DNAH14: variants seen among roughly 807,000 people sequenced by gnomAD.
DNAH14 encodes axonemal beta dynein heavy chain 14.
Under a neutral mutation model 520.9 loss-of-function variants are expected in DNAH14, and 478 were observed. The ratio of observed to expected loss-of-function variants is 0.92; its 90% confidence interval spans 0.85 to 0.99. The LOEUF (loss-of-function observed/expected upper bound fraction) is 0.99, where lower values mean the gene tolerates loss of function less well. Ranked by LOEUF, DNAH14 falls within the 50% of genes least tolerant of loss-of-function variation. The probability of loss-of-function intolerance (pLI) is 0.00; values close to 1 mark genes in which losing one functional copy is unlikely to be tolerated. For missense variants in DNAH14, 4,831 were observed against 5,234.5 expected (o/e 0.92, Z 2.38); for synonymous variants, 1,581 against 1,757.2 (o/e 0.90, Z 2.51).
intron 43 of DNAH14, among the ~76,000 whole-genome samples, chr1:225,249,711 T>A (rs1044091111): frequency 6.6e-6 from 1 of 152,220 alleles, no homozygotes. Context: ...TAGAATATTT[T>A]CGTCTTTCCA....
chr1:225,333,844 T>A (rs1156956011), intron 66 of DNAH14, among the ~76,000 whole-genome samples: 1 of 152,176 alleles, frequency 6.6e-6, no homozygotes, highest in Non-Finnish European at 1.5e-5. Flanking sequence ...CAGGGAGTAT[T>A]CTTAGACACA....
intron 83 of DNAH14, among the ~76,000 whole-genome samples, chr1:225,390,398 A>C (rs2095893495): frequency 6.6e-6 from 1 of 152,128 alleles, no homozygotes; most frequent in Admixed American, 6.5e-5. Context: ...AGAGTTGTAA[A>C]GGGGTGACGC....
At chr1:225,171,971 T>C (rs1434515974) in intron 36 of DNAH14, among the ~76,000 whole-genome samples, 1 of 152,054 alleles carries the variant, frequency 6.6e-6, no homozygotes, top group East Asian at 1.9e-4. Context: ...CATACACAAA[T>C]CAATAAACAT....
In DNAH14 at chr1:225,380,144, T is replaced by A; in HGVS notation, c.12717-15T>A. The A allele has an allele frequency of 1.9e-6, 3 of 1,540,800 alleles. No individual in the cohort carries two copies. Among genetic ancestry groups the A allele is most frequent in the East Asian group, 2.5e-5 (1 of 40,784 alleles). On this transcript the variant is annotated splice_polypyrimidine_tract_variant and intron_variant, in intron 79 of 85. Coordinates refer to ENST00000682510, the MANE Select transcript of DNAH14 (RefSeq NM_001367479.1). The stretch of plus-strand genomic sequence containing the variant: ...CCTGTTCTGTGTCTCATTCTTCTCT[T>A]GGTTTTTTTTGCAGACCTGAGCAGA...
At chr1:225,043,632 G>T in intron 13 of DNAH14, 112 bp from the exon 14 acceptor site, 1 of 787,384 alleles carries the variant, frequency 1.3e-6, no homozygotes. Context: ...GTGACTTCTT[G>T]AGTTTATTCT....
chr1:225,203,653 T>G lies in DNAH14; in HGVS notation c.5887-530T>G, dbSNP rs527329117. Among the ~76,000 whole-genome samples the G allele has an allele frequency of 1.2e-3, 183 of 152,308 alleles. 2 individuals carry two copies. The highest frequency in any genetic ancestry group is 6.8e-3 in the Middle Eastern group (2 of 294). On this transcript the variant is annotated intron_variant, in intron 38 of 85. Coordinates refer to ENST00000682510, the MANE Select transcript of DNAH14 (RefSeq NM_001367479.1). ...AATTTCTCAAAGGTTGGTGTAAAAA[T>G]GACATGTATTAGAATAACTCAGGAT...
chr1:225,291,775 G>A (rs774457005), intron 55 of DNAH14, among the ~76,000 whole-genome samples: 17 of 152,030 alleles, frequency 1.1e-4, no homozygotes, highest in Non-Finnish European at 2.1e-4. Flanking sequence ...ATCCTGACTG[G>A]GGAGAGGTGA....
At chr1:225,130,608 G>T (rs917490643) in intron 27 of DNAH14, among the ~76,000 whole-genome samples, 99 of 142,598 alleles carry the variant, frequency 6.9e-4, no homozygotes, top group African/African-American at 2.6e-3. Flanking sequence ...CTCATAGATG[G>T]GAATTGAACA....
Position 225,374,698 on chromosome 1 carries a change from A to C in DNAH14, c.12329A>C (p.Lys4110Thr), listed in dbSNP as rs112206346. ...ATGGGTTTTCCAAAGGTTGCCATTAAGGTGTTGGAAAATTCCCTGAGAGGA... is the reference window on the plus strand; with the variant it reads ...ATGGGTTTTCCAAAGGTTGCCATTACGGTGTTGGAAAATTCCCTGAGAGGA... ...FNSSDLGVAI[K>T]VLENSLRGQP... The change falls in exon 78 of 86, where the codon AAG becomes ACG. Residue 4110 changes from lysine to threonine, a missense_variant. Physicochemically the swap from Lys to Thr is moderately conservative, Grantham distance 78. Coordinates refer to ENST00000682510, the MANE Select transcript of DNAH14 (RefSeq NM_001367479.1). The C allele has an allele frequency of 1.2e-5, 18 of 1,547,618 alleles. No homozygotes were observed. The highest frequency in any genetic ancestry group is 8.2e-5 in the African/African-American group (6 of 73,124).
rs192704853 is a variant in DNAH14 at position 225,018,124 on chromosome 1, G to A, written c.1108-5491G>A. On this transcript the variant is annotated intron_variant, in intron 10 of 85. Coordinates refer to ENST00000682510, the MANE Select transcript of DNAH14 (RefSeq NM_001367479.1). ...AATCTGAATGGCAAGGAAGCTCATC[G>A]AGGTACAAGAGAAGGTCAAAACCAA... Among the ~76,000 whole-genome samples, 17 of 152,234 alleles carry A rather than the reference G, an allele frequency of 1.1e-4. No individual in the cohort carries two copies. The East Asian group carries it at 2.9e-3, about 26-fold the overall frequency.
intron 35 of DNAH14, 97 bp from the exon 36 acceptor site, chr1:225,167,842 C>T (rs535294266): frequency 4.9e-5 from 29 of 595,638 alleles, no homozygotes; most frequent in African/African-American, 2.0e-4. Context: ...TCTTAAAGAG[C>T]GGTAATTGGT....
Position 225,258,059 on chromosome 1 carries a change from C to T in DNAH14, c.6965C>T (p.Thr2322Ile). 3 of 1,549,576 alleles carry T rather than the reference C, an allele frequency of 1.9e-6. No individual in the cohort carries two copies. Among genetic ancestry groups the T allele is most frequent in the South Asian group, 2.4e-5 (2 of 83,672 alleles). Residue 2322 changes from threonine (T) to isoleucine (I), a missense_variant, in exon 45 of 86, where the codon ACA (threonine) becomes ATA (isoleucine). Transcript: ENST00000682510. The stretch of plus-strand genomic sequence containing the variant: ...AATTATACCGCTACCAGAGACACAA[C>T]ATGCCTTTCTTTTCTCATGAGCCTT... ...CINYTATRDT[T>I]CLSFLMSLLL...
At chr1:225,108,243 T>C (rs1418596494) in intron 23 of DNAH14, among the ~76,000 whole-genome samples, 1 of 152,168 alleles carries the variant, frequency 6.6e-6, no homozygotes, top group African/African-American at 2.4e-5. Context: ...ACACCAGTGG[T>C]TTGCCAGGGT....
At chr1:225,012,549 G>A (rs192226085) in intron 10 of DNAH14, among the ~76,000 whole-genome samples, 1 of 152,292 alleles carries the variant, frequency 6.6e-6, no homozygotes, top group Non-Finnish European at 1.5e-5. Context: ...ATATCCTGAA[G>A]TGTGTTTTCC....
chr1:225,268,938 A>C (rs1433205128), intron 49 of DNAH14, among the ~76,000 whole-genome samples: 1 of 152,234 alleles, frequency 6.6e-6, no homozygotes, highest in Non-Finnish European at 1.5e-5. Context: ...CATCCCCATC[A>C]AGCTACCAAT....
At chr1:225,327,461 G>A (rs2094701258) in intron 64 of DNAH14, among the ~76,000 whole-genome samples, 1 of 151,972 alleles carries the variant, frequency 6.6e-6, no homozygotes, top group African/African-American at 2.4e-5. Context: ...GCACCTGGCC[G>A]ACTAACTCAT....
chr1:225,350,450 A>G (rs1274223997), intron 71 of DNAH14, among the ~76,000 whole-genome samples: 1 of 152,124 alleles, frequency 6.6e-6, no homozygotes, highest in Non-Finnish European at 1.5e-5. Context: ...TAGAAAAAAA[A>G]TAAACAAAAC....
chr1:224,978,829 TG>T (rs1165065409), intron 8 of DNAH14, among the ~76,000 whole-genome samples: 3 of 151,978 alleles, frequency 2.0e-5, no homozygotes, highest in African/African-American at 7.2e-5. Flanking sequence ...TTTGTAGAGA[TG>T]GGGACTCACT....
intron 36 of DNAH14, 45 bp from the exon 37 acceptor site, chr1:225,185,246 C>G: frequency 6.6e-7 from 1 of 1,522,620 alleles, no homozygotes. Context: ...GGTTAATAAA[C>G]TTAAAATCAT....
Sources: allele counts gnomAD v4.1 joint callset (sites outside exome capture counted in the v4.1 genomes callset), GRCh38; gene constraint gnomAD v4.1.1; transcripts MANE v1.5; gene names NCBI Gene and HGNC (gene_info 2026-07-23, HGNC 2026-07-21).